ABHD2: variants seen among roughly 807,000 people sequenced by gnomAD.
ABHD2 encodes abhydrolase domain containing 2, acylglycerol lipase, also known as monoacylglycerol lipase ABHD2.
In ABHD2, 20 loss-of-function variants were observed where a neutral mutation model predicts 48.1. That is an observed-to-expected ratio of 0.42 (90% CI 0.29 to 0.60). The LOEUF (loss-of-function observed/expected upper bound fraction) is 0.60, where lower values mean the gene tolerates loss of function less well. ABHD2 is among the 20% of genes least tolerant of loss of function. The pLI is 0.24. For synonymous variants in ABHD2, 209 were observed against 214.2 expected (o/e 0.98, Z 0.21); for missense variants, 405 against 550.9 (o/e 0.74, Z 2.65).
At chr15:89,123,807 A>T (rs1480584693) in intron 3 of ABHD2, among the ~76,000 whole-genome samples, 1 of 151,938 alleles carries the variant, frequency 6.6e-6, no homozygotes, top group Non-Finnish European at 1.5e-5. Flanking sequence ...CACCTGTGTC[A>T]CCATGTTGTA....
At chr15:89,083,056 T>C (rs1026098430), upstream of ABHD2, among the ~76,000 whole-genome samples, 1 of 152,194 alleles carries the variant, frequency 6.6e-6, no homozygotes, top group East Asian at 1.9e-4. This position sits in a 1 kb window ranked among gnomAD's most constrained non-coding sequence, Gnocchi z 5.1. Context: ...AGTTTCACCA[T>C]GTTGGCCAGG....
chr15:89,127,220 T>C (rs1397968083), intron 3 of ABHD2, among the ~76,000 whole-genome samples: 16 of 152,176 alleles, frequency 1.1e-4, no homozygotes, highest in Admixed American at 8.5e-4. Context: ...ACCCTAACTC[T>C]ACCTGCTGTC....
At chr15:89,069,833 C>A in the ABHD2 span, among the ~76,000 whole-genome samples, 1 of 151,876 alleles carries the variant, frequency 6.6e-6, no homozygotes, top group Non-Finnish European at 1.5e-5. Context: ...GTGCGTACCA[C>A]CATGCATGGC....
the ABHD2 span, among the ~76,000 whole-genome samples, chr15:89,073,389 A>C: frequency 2.6e-5 from 4 of 152,020 alleles, no homozygotes; most frequent in African/African-American, 9.7e-5. Flanking sequence ...TCCGCCTCCT[A>C]GGTTCAAGCG....
At chr15:89,178,686 G>A (rs183764198) in intron 6 of ABHD2, among the ~76,000 whole-genome samples, 57 of 152,314 alleles carry the variant, frequency 3.7e-4, no homozygotes, top group African/African-American at 1.4e-3. Flanking sequence ...CTGAAGGAGG[G>A]ACACAGATGC....
chr15:89,201,822 A>G lies in ABHD2; in HGVS notation c.*6399A>G. On this transcript the variant is annotated 3_prime_UTR_variant, in exon 11 of 11. Coordinates refer to ENST00000352732, the MANE Select transcript of ABHD2 (RefSeq NM_152924.5). ...CGCCATTGGAGAGACAGCGCAGAGC[A>G]GGGGGCGGCTTGCTCGCTGGGGGCG... The G allele has an allele frequency of 8.0e-7, 1 of 1,245,662 alleles. No homozygotes were observed. The highest frequency in any genetic ancestry group is 1.2e-6 in the Non-Finnish European group (1 of 860,988). The allele number at this position is 1,245,662 out of a possible 1,614,324, so 77.2% of individuals were successfully genotyped here. A position where few individuals can be genotyped will look rare whatever the true frequency, so the allele number is the denominator to read the frequency against.
At chr15:89,118,751 T>C (rs1465948564) in intron 3 of ABHD2, among the ~76,000 whole-genome samples, 1 of 152,224 alleles carries the variant, frequency 6.6e-6, no homozygotes, top group African/African-American at 2.4e-5. Context: ...TAAGGTTTGA[T>C]TCCATACTAA....
the ABHD2 span, among the ~76,000 whole-genome samples, chr15:89,074,543 G>C: frequency 6.6e-6 from 1 of 152,172 alleles, no homozygotes; most frequent in Non-Finnish European, 1.5e-5. Flanking sequence ...CTGAAACACT[G>C]AGCCATTCTC....
intron 3 of ABHD2, among the ~76,000 whole-genome samples, chr15:89,148,672 A>C (rs1174083488): frequency 6.6e-6 from 1 of 152,376 alleles, no homozygotes; most frequent in East Asian, 1.9e-4. Context: ...CTAAATTGGC[A>C]TGGCAGTCCT....
At chr15:89,142,586 CTG>C (rs1175243732) in intron 3 of ABHD2, among the ~76,000 whole-genome samples, 2 of 152,146 alleles carry the variant, frequency 1.3e-5, no homozygotes, top group Admixed American at 6.5e-5. Context: ...CCTTTTTAAT[CTG>C]TGAAATCATG....
the ABHD2 span, among the ~76,000 whole-genome samples, chr15:89,078,510 G>A: frequency 1.3e-5 from 2 of 152,118 alleles, no homozygotes; most frequent in Admixed American, 6.5e-5. Context: ...ATTACAAATG[G>A]CGCTATTATG....
intron 3 of ABHD2, among the ~76,000 whole-genome samples, chr15:89,144,322 G>A (rs1306730367): frequency 6.6e-6 from 1 of 152,074 alleles, no homozygotes; most frequent in Non-Finnish European, 1.5e-5. Flanking sequence ...TAGTAGGGAT[G>A]GGGTTTCACC....
At position 89,176,611 on chromosome 15, in the gene ABHD2, A is replaced by T. The variant is rs2051017982; in HGVS notation, c.722+616A>T. Among the ~76,000 whole-genome samples the T allele has an allele frequency of 6.6e-6, 1 of 152,004 alleles. No homozygotes were observed. Among genetic ancestry groups the T allele is most frequent in the African/African-American group, 2.4e-5 (1 of 41,394 alleles). On this transcript the variant is annotated intron_variant, in intron 6 of 10. Transcript: ENST00000352732. This position sits in a 1 kb window ranked among gnomAD's most constrained non-coding sequence, Gnocchi z 4.5. ...CAGGAGGGCGTGGTCATCTGCCCCG[A>T]TTCCCCTGAAGATCACTGCTGTCCC...
At chr15:89,096,965 A>G (rs2049622834) in intron 1 of ABHD2, among the ~76,000 whole-genome samples, 1 of 152,240 alleles carries the variant, frequency 6.6e-6, no homozygotes, top group African/African-American at 2.4e-5. Flanking sequence ...AGCTGGCAGC[A>G]GCCTCAAGTT....
At chr15:89,134,763 A>T (rs1399283495) in intron 3 of ABHD2, among the ~76,000 whole-genome samples, 1 of 152,154 alleles carries the variant, frequency 6.6e-6, no homozygotes, top group Non-Finnish European at 1.5e-5. Flanking sequence ...CATTTATTCA[A>T]GTCTTTGAGC....
the ABHD2 span, among the ~76,000 whole-genome samples, chr15:89,053,932 G>T: frequency 6.6e-6 from 1 of 152,150 alleles, no homozygotes; most frequent in Non-Finnish European, 1.5e-5. Flanking sequence ...CCACTCACTT[G>T]CCAAGTACAG....
rs900029823 is a variant in ABHD2 at position 89,110,107 on chromosome 15, G to A, written c.-106-3618G>A. ...TTTCTTTTTTTTTATTTTTTAAGAC[G>A]GACTCTCACTCTGTTGCCCAGGCTG... On this transcript the variant is annotated intron_variant, in intron 1 of 10. Coordinates refer to ENST00000352732, the MANE Select transcript of ABHD2 (RefSeq NM_152924.5). Among the ~76,000 whole-genome samples, 7 of 149,578 alleles carry A rather than the reference G, an allele frequency of 4.7e-5. No homozygotes were observed. In the South Asian group the frequency reaches 8.4e-4, roughly 18 times the overall value.
chr15:89,123,923 TAAAGC>T (rs1441552033), intron 3 of ABHD2, among the ~76,000 whole-genome samples: 1 of 152,188 alleles, frequency 6.6e-6, no homozygotes, highest in Non-Finnish European at 1.5e-5. Flanking sequence ...TTATTTCTAA[TAAAGC>T]AGAGCAAATC....
chr15:89,170,077 A>ATTCTTTT (rs2050898139), intron 5 of ABHD2, among the ~76,000 whole-genome samples: 1 of 56,144 alleles, frequency 1.8e-5, no homozygotes, highest in Non-Finnish European at 3.2e-5. Flanking sequence ...GTCAGATCAG[A>ATTCTTTT]TTCTTTTTTT....
Sources: allele counts gnomAD v4.1 joint callset (sites outside exome capture counted in the v4.1 genomes callset), GRCh38; gene constraint gnomAD v4.1.1; non-coding constraint Gnocchi (gnomAD v3.1); transcripts MANE v1.5; gene names NCBI Gene and HGNC (gene_info 2026-07-23, HGNC 2026-07-21).